Variants in CDH23 observed in about 807,000 individuals in gnomAD.
CDH23 encodes the protein cadherin-23.
CDH23 carries 189 observed loss-of-function variants against 317.1 expected under a neutral mutation model. The ratio of observed to expected loss-of-function variants is 0.60; its 90% CI spans 0.53 to 0.67. The LOEUF is 0.67. Among genes scored for constraint, CDH23 ranks in the 30% least tolerant of loss-of-function variants. The probability of loss-of-function intolerance (pLI) is 0.00; values close to 1 mark genes in which losing one functional copy is unlikely to be tolerated. For missense variants in CDH23, 4,401 were observed against 4,592.4 expected, an observed-to-expected ratio of 0.96 and a Z score of 1.20; for synonymous variants, 1,839 against 1,876.8, an observed-to-expected ratio of 0.98 and a Z score of 0.52.
chr10:71,660,857 G>T (rs1863617992), intron 14 of CDH23, among the ~76,000 whole-genome samples: 2 of 152,186 alleles, frequency 1.3e-5, no homozygotes, highest in Admixed American at 1.3e-4. Context: ...AATCATACAT[G>T]TAAAGTGCTT....
chr10:71,578,370 C>A (rs1858374661), intron 9 of CDH23, among the ~76,000 whole-genome samples: 1 of 152,096 alleles, frequency 6.6e-6, no homozygotes, highest in South Asian at 2.1e-4. Flanking sequence ...TTTTTCTTCT[C>A]GTATTTGATG....
chr10:71,524,401 A>C (rs1052186616), intron 6 of CDH23, among the ~76,000 whole-genome samples: 2 of 152,210 alleles, frequency 1.3e-5, no homozygotes, highest in African/African-American at 4.8e-5. Flanking sequence ...TGCTGAAGGT[A>C]GCTCAGAAGT....
In CDH23 at chr10:71,541,877, C is replaced by T. The variant is rs140211247; in HGVS notation, c.430-24865C>T. Among the ~76,000 whole-genome samples, 801 of 152,300 alleles carry T rather than the reference C, an allele frequency of 5.3e-3. 3 individuals are homozygous for T. Among genetic ancestry groups the T allele is most frequent in the Non-Finnish European group, 9.3e-3 (634 of 68,016 alleles). ...AGATTTGAATTTTATATAACTTTTA[C>T]ACATCACAAAATATTATTCTTCTTT... On this transcript the variant is annotated intron_variant, in intron 6 of 69. Coordinates refer to ENST00000224721, the MANE Select transcript of CDH23 (RefSeq NM_022124.6).
At chr10:71,794,945 A>G (rs1255450533) in intron 48 of CDH23, among the ~76,000 whole-genome samples, 2 of 152,166 alleles carry the variant, frequency 1.3e-5, no homozygotes, top group African/African-American at 2.4e-5. Flanking sequence ...GGTGTGCATC[A>G]TGGGGGTACC....
At chr10:71,407,115 G>T (rs1255759933) in intron 1 of CDH23, among the ~76,000 whole-genome samples, 1 of 152,234 alleles carries the variant, frequency 6.6e-6, no homozygotes, top group East Asian at 1.9e-4. Flanking sequence ...CGGTGAGGCA[G>T]ATTTTTGCAT....
intron 11 of CDH23, among the ~76,000 whole-genome samples, chr10:71,618,117 A>T (rs1861286749): frequency 6.6e-6 from 1 of 152,216 alleles, no homozygotes; most frequent in African/African-American, 2.4e-5. Context: ...CTTAGCAGAA[A>T]GTCTAATTCC....
chr10:71,520,878 T>C (rs1854634686), intron 6 of CDH23, among the ~76,000 whole-genome samples: 1 of 152,146 alleles, frequency 6.6e-6, no homozygotes, highest in Non-Finnish European at 1.5e-5. Flanking sequence ...ATAGGCTTGT[T>C]TTGATGTGTG....
At chr10:71,533,165 G>A (rs1272213887) in intron 6 of CDH23, among the ~76,000 whole-genome samples, 1 of 151,982 alleles carries the variant, frequency 6.6e-6, no homozygotes, top group Non-Finnish European at 1.5e-5. Context: ...TGCCTGCCCC[G>A]AAGGCGGCTT....
intron 1 of CDH23, among the ~76,000 whole-genome samples, chr10:71,425,568 G>C (rs1849039441): frequency 6.6e-6 from 1 of 152,204 alleles, no homozygotes; most frequent in South Asian, 2.1e-4. Context: ...TACCCCAGCT[G>C]GGGGTTTGGA....
At chr10:71,554,728 ATT>A (rs66679909) in intron 6 of CDH23, among the ~76,000 whole-genome samples, 20,158 of 147,492 alleles carry the variant, frequency 0.14, 1,885 homozygotes, top group East Asian at 0.4. Flanking sequence ...AGTTGTGAGA[ATT>A]TTTTTTTTTT....
At chr10:71,725,603 C>CCCACACCAGGCGCCAA in intron 30 of CDH23, 83 bp downstream of exon 30, 1 of 1,474,192 alleles carries the variant, frequency 6.8e-7, no homozygotes, top group Non-Finnish European at 9.1e-7. Context: ...TTAGTTGGCG[C>CCCACACCAGGCGCCAA]CTGGTGTGGG....
At chr10:71,557,487 C>G (rs897235417) in intron 6 of CDH23, among the ~76,000 whole-genome samples, 2 of 151,704 alleles carry the variant, frequency 1.3e-5, no homozygotes, top group African/African-American at 4.8e-5. Flanking sequence ...AATCTGTTAT[C>G]TCTCTTCTCT....
chr10:71,697,514 T>A (rs1463497788), intron 22 of CDH23, among the ~76,000 whole-genome samples: 4 of 151,898 alleles, frequency 2.6e-5, no homozygotes, highest in African/African-American at 7.3e-5. Context: ...CTTTATAAAA[T>A]TTTTTTTAAG....
At chr10:71,782,125 C>T (rs1840973495) in intron 41 of CDH23, among the ~76,000 whole-genome samples, 1 of 152,228 alleles carries the variant, frequency 6.6e-6, no homozygotes, top group East Asian at 1.9e-4. Flanking sequence ...GATTTCTGAG[C>T]ACTTACCAGC....
chr10:71,461,331 G>GT (rs1850973235), intron 3 of CDH23, among the ~76,000 whole-genome samples: 1 of 152,244 alleles, frequency 6.6e-6, no homozygotes, highest in Non-Finnish European at 1.5e-5. Context: ...TTGGCATGGG[G>GT]TGTGGCACAC....
At chr10:71,765,583 T>C (rs1189091162) in intron 38 of CDH23, among the ~76,000 whole-genome samples, 1 of 152,160 alleles carries the variant, frequency 6.6e-6, no homozygotes, top group Admixed American at 6.5e-5. Flanking sequence ...ATTGTACCCA[T>C]AGCACCCGCA....
In CDH23 at chr10:71,790,365, C is replaced by A. The variant is rs1374765822; in HGVS notation, c.6001C>A (p.Gln2001Lys). The A allele has an allele frequency of 6.2e-7, 1 of 1,613,742 alleles. No homozygotes were observed. The highest frequency in any genetic ancestry group is 8.5e-7 in the Non-Finnish European group (1 of 1,179,850). Reference protein sequence around the residue: ...DQDIYAVVTYQLLGAQSGLFD... With the variant: ...DQDIYAVVTYKLLGAQSGLFD... ...AGACATCTACGCCGTGGTGACCTAC[C>A]AGCTGCTGGGTGCCCAGAGTGGCCT... Residue 2001 changes from glutamine to lysine, a missense_variant, in exon 46 of 70, where the codon CAG becomes AAG. Around this residue, in one of 3 missense-constraint regions of CDH23, gnomAD observed 3,068 missense variants for 3,203.3 expected, o/e 0.96. Coordinates refer to ENST00000224721, the MANE Select transcript of CDH23 (RefSeq NM_022124.6).
At chr10:71,578,053 A>G in intron 9 of CDH23, 61 bp downstream of exon 9, 4 of 1,477,562 alleles carry the variant, frequency 2.7e-6, no homozygotes, top group Non-Finnish European at 3.7e-6. Flanking sequence ...AAGGAGAGCC[A>G]GTAGGCATCT....
chr10:71,546,204 C>T (rs529348475), intron 6 of CDH23, among the ~76,000 whole-genome samples: 7 of 152,168 alleles, frequency 4.6e-5, no homozygotes, highest in African/African-American at 1.7e-4. Context: ...GTCTCCTTAC[C>T]AATGCCCCTT....
Sources: gnomAD v4.1 joint callset for allele counts (sites outside exome capture counted in the v4.1 genomes callset) on GRCh38, gnomAD v4.1.1 for gene constraint, gnomAD v4.1.1 regional missense constraint, MANE v1.5 for transcripts, NCBI Gene and HGNC (gene_info 2026-07-23, HGNC 2026-07-21) for gene names.